The following TSHZ3 variants were observed in gnomAD, a reference collection of about 807,000 sequenced individuals.
TSHZ3 encodes teashirt zinc finger homeobox 3.
TSHZ3 carries 10 observed loss-of-function variants against 64.5 expected under a neutral mutation model. That is an observed-to-expected ratio of 0.16 (90% confidence interval 0.10 to 0.26). TSHZ3 has a LOEUF of 0.26. TSHZ3 is among the 10% of genes least tolerant of loss of function. TSHZ3 has a pLI of 1.00. For missense variants in TSHZ3, 1,242 were observed against 1,421.7 expected, an observed-to-expected ratio of 0.87 and a Z score of 2.03; for synonymous variants, 608 against 593.1, an observed-to-expected ratio of 1.03 and a Z score of -0.36.
intron 5 of TSHZ3, among the ~76,000 whole-genome samples, chr19:31,177,437 C>T (rs543977401): frequency 6.6e-6 from 1 of 152,328 alleles, no homozygotes; most frequent in Admixed American, 6.5e-5. Context: ...TTCCCAGCCT[C>T]GGGGCTGCTG....
exon 3 of TSHZ3, among the ~76,000 whole-genome samples, chr19:31,242,624 G>A (rs1975707450): frequency 6.6e-6 from 1 of 152,040 alleles, no homozygotes; most frequent in Admixed American, 6.5e-5. Context: ...TCAGAAGATG[G>A]GTGTCTCAGT....
At chr19:31,169,045 G>T (rs536010751) in intron 5 of TSHZ3, among the ~76,000 whole-genome samples, 2 of 152,180 alleles carry the variant, frequency 1.3e-5, no homozygotes, top group Admixed American at 6.5e-5. Context: ...TGCTGGAAAT[G>T]GGAGAACCAC....
At position 31,276,402 on chromosome 19, in the gene TSHZ3, G is replaced by C. The variant is rs191135773; in HGVS notation, c.*145C>G. On this transcript the variant is annotated 3_prime_UTR_variant, in exon 2 of 2. Coordinates refer to ENST00000240587, the MANE Select transcript of TSHZ3 (RefSeq NM_020856.4). ...ATGCACCTCTATTAAACACTGTACA[G>C]TTATACAAAACAGTCCAGCCCAGAG... 1.1e-4 allele frequency: 86 copies of C among 764,902 alleles called. No individual in the cohort carries two copies. In the East Asian group the frequency reaches 1.7e-3, roughly 15 times the overall value. 47.4% of individuals were successfully genotyped at this position (764,902 alleles called of 1,614,324 possible). A position where few individuals can be genotyped will look rare whatever the true frequency, so the allele number is the denominator to read the frequency against.
At chr19:31,211,248 A>G (rs1158082266) in intron 4 of TSHZ3, among the ~76,000 whole-genome samples, 1 of 152,162 alleles carries the variant, frequency 6.6e-6, no homozygotes, top group Non-Finnish European at 1.5e-5. Context: ...CCCTATCTTT[A>G]CAAAATCGAT....
At chr19:31,169,624 A>G (rs565733586) in intron 5 of TSHZ3, among the ~76,000 whole-genome samples, 5 of 152,086 alleles carry the variant, frequency 3.3e-5, no homozygotes, top group Non-Finnish European at 7.4e-5. Flanking sequence ...CAAATTTCTT[A>G]TTATGTGTGT....
chr19:31,169,991 T>C (rs1974513988), intron 5 of TSHZ3, among the ~76,000 whole-genome samples: 1 of 152,202 alleles, frequency 6.6e-6, no homozygotes, highest in Non-Finnish European at 1.5e-5. Context: ...TCATCTGCAC[T>C]GCTAATAGGG....
intron 1 of TSHZ3, among the ~76,000 whole-genome samples, chr19:31,331,708 T>C (rs927925375): frequency 2.0e-5 from 3 of 152,218 alleles, no homozygotes; most frequent in Non-Finnish European, 4.4e-5. Flanking sequence ...GGGTACCTTA[T>C]GTTCACCACC....
chr19:31,152,266 A>G (rs1446640640), intron 6 of TSHZ3, among the ~76,000 whole-genome samples: 2 of 138,788 alleles, frequency 1.4e-5, no homozygotes, highest in South Asian at 2.7e-4. Flanking sequence ...TCATGCAATA[A>G]CATGTGTATA....
chr19:31,210,845 A>G (rs1428361953), intron 4 of TSHZ3, among the ~76,000 whole-genome samples: 3 of 152,240 alleles, frequency 2.0e-5, no homozygotes, highest in South Asian at 4.1e-4. Context: ...AATTAAATGA[A>G]TACAGTGTTA....
At chr19:31,286,314 A>G (rs1157312213) in intron 1 of TSHZ3, among the ~76,000 whole-genome samples, 2 of 152,206 alleles carry the variant, frequency 1.3e-5, no homozygotes, top group Admixed American at 1.3e-4. Context: ...AAAGCTCCCA[A>G]AGTTACAAAA....
At chr19:31,202,371 A>G (rs559978885) in intron 5 of TSHZ3, among the ~76,000 whole-genome samples, 1 of 152,206 alleles carries the variant, frequency 6.6e-6, no homozygotes, top group African/African-American at 2.4e-5. Flanking sequence ...TACATACATA[A>G]TACATATATG....
intron 5 of TSHZ3, among the ~76,000 whole-genome samples, chr19:31,156,588 G>A (rs1243110180): frequency 6.6e-6 from 1 of 152,152 alleles, no homozygotes; most frequent in Non-Finnish European, 1.5e-5. Context: ...CTTTATGGGA[G>A]CACCATCTTT....
chr19:31,300,308 C>A (rs1320368468), intron 1 of TSHZ3, among the ~76,000 whole-genome samples: 1 of 152,170 alleles, frequency 6.6e-6, no homozygotes, highest in African/African-American at 2.4e-5. Flanking sequence ...GCTGTAGAAA[C>A]AAGAGCAGCT....
intron 5 of TSHZ3, among the ~76,000 whole-genome samples, chr19:31,160,025 C>T (rs549452236): frequency 2.0e-5 from 3 of 152,292 alleles, no homozygotes; most frequent in South Asian, 4.1e-4. Context: ...AACACACTTC[C>T]CCCTGGAGGA....
chr19:31,306,350 T>C (rs1916296130), intron 1 of TSHZ3, among the ~76,000 whole-genome samples: 1 of 152,232 alleles, frequency 6.6e-6, no homozygotes, highest in Non-Finnish European at 1.5e-5. Flanking sequence ...CAAATGTCTA[T>C]CTTCTTCTCA....
At chr19:31,168,510 G>A (rs1202673215) in intron 5 of TSHZ3, among the ~76,000 whole-genome samples, 5 of 152,220 alleles carry the variant, frequency 3.3e-5, no homozygotes, top group Non-Finnish European at 5.9e-5. Flanking sequence ...GCTAGAAATT[G>A]GAGAGAGCAA....
intron 1 of TSHZ3, among the ~76,000 whole-genome samples, chr19:31,312,903 ATTGT>A (rs1385533803): frequency 6.6e-6 from 1 of 152,218 alleles, no homozygotes; most frequent in Non-Finnish European, 1.5e-5. Flanking sequence ...ATTTAATGAC[ATTGT>A]TTGATTTCAC....
rs1976255561 is a variant in TSHZ3, at chr19:31,277,256, T to G, written c.2537A>C (p.Asp846Ala). 1.2e-6 allele frequency: 2 copies of G among 1,614,176 alleles called. No homozygotes were observed. Among genetic ancestry groups the G allele is most frequent in the Non-Finnish European group, 1.7e-6 (2 of 1,180,004 alleles). The change falls in exon 2 of 2, where the codon GAT becomes GCT. Residue 846 changes from aspartate (D) to alanine (A), a missense_variant. This residue lies in a region of TSHZ3 where 550 missense variants were observed against 545.1 expected (regional missense o/e 1.01). Transcript: ENST00000240587. This position sits in a 1 kb window ranked among gnomAD's most constrained non-coding sequence, Gnocchi z 4.5. ...CAAGTTCTTCAGCATATCGGATATA[T>G]CTGACAAGGCATTCTCGCGTAGCGG... ...NSPLRENALSDISDMLKNLTE... is the reference protein window; with the variant it reads ...NSPLRENALSAISDMLKNLTE...
chr19:31,183,216 C>T (rs866250650), intron 5 of TSHZ3, among the ~76,000 whole-genome samples: 5,520 of 111,988 alleles, frequency 0.049, 314 homozygotes, highest in African/African-American at 0.17. Context: ...CTCTCTCTCT[C>T]TCTCTCTCTC....
Sources: gnomAD v4.1 joint callset for allele counts (sites outside exome capture counted in the v4.1 genomes callset) on GRCh38, gnomAD v4.1.1 for gene constraint, gnomAD v4.1.1 regional missense constraint, Gnocchi (gnomAD v3.1) non-coding constraint, MANE v1.5 for transcripts, NCBI Gene and HGNC (gene_info 2026-07-23, HGNC 2026-07-21) for gene names.